The following ADK variants were observed in gnomAD, a reference collection of about 807,000 sequenced individuals.
ADK encodes N6,N6-dimethyladenosine kinase.
Under a neutral mutation model 44.7 loss-of-function variants are expected in ADK, and 24 were observed. That is an observed-to-expected ratio of 0.54 (90% CI 0.39 to 0.76). The LOEUF is 0.76. Among genes scored for constraint, ADK ranks in the 30% least tolerant of loss-of-function variants. ADK has a pLI of 0.00. For synonymous variants in ADK, 128 were observed against 142.6 expected, an observed-to-expected ratio of 0.90 and a Z score of 0.73; for missense variants, 321 against 425.1, an observed-to-expected ratio of 0.76 and a Z score of 2.15.
intron 1 of ADK, among the ~76,000 whole-genome samples, chr10:74,191,438 A>G (rs1325860036): frequency 1.3e-5 from 2 of 151,556 alleles, no homozygotes; most frequent in Non-Finnish European, 2.9e-5. Context: ...CACTATGTCA[A>G]TTAAAAAGAC....
chr10:74,606,059 GT>G (rs756544836), intron 9 of ADK, among the ~76,000 whole-genome samples: 2 of 152,120 alleles, frequency 1.3e-5, no homozygotes, highest in Non-Finnish European at 2.9e-5. Context: ...ACTGATGGTA[GT>G]TTATATTTCT....
chr10:74,513,908 G>C (rs141244207), intron 6 of ADK, among the ~76,000 whole-genome samples: 208 of 152,168 alleles, frequency 1.4e-3, no homozygotes, highest in Middle Eastern at 6.8e-3. Flanking sequence ...CTATCAGTGT[G>C]TTTTATAGTT....
At chr10:74,504,658 A>T (rs1473170209) in intron 6 of ADK, among the ~76,000 whole-genome samples, 2 of 152,092 alleles carry the variant, frequency 1.3e-5, no homozygotes, top group African/African-American at 2.4e-5. Context: ...AATCCCCATA[A>T]TCTCCACATG....
intron 7 of ADK, among the ~76,000 whole-genome samples, chr10:74,562,386 G>A (rs1341202655): frequency 3.3e-5 from 5 of 152,164 alleles, no homozygotes; most frequent in Non-Finnish European, 7.3e-5. Context: ...TACAGAACTA[G>A]GGTAACTGGA....
chr10:74,633,424 GC>G (rs1304485775), intron 9 of ADK, among the ~76,000 whole-genome samples: 1 of 151,968 alleles, frequency 6.6e-6, no homozygotes, highest in Non-Finnish European at 1.5e-5. Flanking sequence ...AGCACTATTT[GC>G]AATGACCAAA....
intron 10 of ADK, among the ~76,000 whole-genome samples, chr10:74,687,185 G>GA (rs1331481475): frequency 3.3e-5 from 5 of 152,218 alleles, no homozygotes; most frequent in Non-Finnish European, 7.3e-5. Context: ...AGTTTTCACT[G>GA]AAAGTATAGC....
intron 7 of ADK, among the ~76,000 whole-genome samples, 158 bp downstream of exon 7, chr10:74,525,584 C>T (rs1472651047): frequency 6.6e-6 from 1 of 152,078 alleles, no homozygotes; most frequent in Admixed American, 6.5e-5. Flanking sequence ...GTCAACTGCT[C>T]TCAGTATTTT....
chr10:74,232,545 CG>C (rs368780321), intron 3 of ADK, among the ~76,000 whole-genome samples: 95 of 94,786 alleles, frequency 1.0e-3, no homozygotes, highest in African/African-American at 1.8e-3. Flanking sequence ...ACAACCCCCC[CG>C]CACCCCCCCC....
At chr10:74,587,252 C>G (rs73276231) in intron 7 of ADK, among the ~76,000 whole-genome samples, 6,558 of 152,276 alleles carry the variant, frequency 0.043, 433 homozygotes, top group African/African-American at 0.14. Flanking sequence ...GCAAATGTTA[C>G]TGACTATGTG....
chr10:74,343,887 C>A (rs555653287), intron 4 of ADK, among the ~76,000 whole-genome samples: 8 of 152,120 alleles, frequency 5.3e-5, no homozygotes, highest in African/African-American at 1.9e-4. Flanking sequence ...AGATTACAGG[C>A]GTGAGCAACC....
At chr10:74,256,289 A>T (rs982502388) in intron 3 of ADK, among the ~76,000 whole-genome samples, 1 of 152,194 alleles carries the variant, frequency 6.6e-6, no homozygotes. Flanking sequence ...TAAGCAAGTG[A>T]TGTGGTCAAA....
chr10:74,296,074 T>A (rs1024482602), intron 3 of ADK, among the ~76,000 whole-genome samples: 99 of 152,084 alleles, frequency 6.5e-4, no homozygotes, highest in African/African-American at 2.3e-3. Flanking sequence ...TCCTTTTTTT[T>A]TTTTTTTTAC....
At chr10:74,440,081 C>T (rs1313047596) in intron 6 of ADK, among the ~76,000 whole-genome samples, 2 of 151,726 alleles carry the variant, frequency 1.3e-5, no homozygotes, top group East Asian at 3.9e-4. Flanking sequence ...TTTTCCTATC[C>T]CTATTTCCTG....
At chr10:74,483,248 A>G (rs1035024948) in intron 6 of ADK, among the ~76,000 whole-genome samples, 1 of 152,174 alleles carries the variant, frequency 6.6e-6, no homozygotes, top group African/African-American at 2.4e-5. Flanking sequence ...GCCAAGGCTT[A>G]CAGCTTGCAC....
chr10:74,245,502 A>G, intron 3 of ADK, among the ~76,000 whole-genome samples: 1 of 151,630 alleles, frequency 6.6e-6, no homozygotes. Flanking sequence ...GACCCTATAT[A>G]TTTTTTATAT....
At position 74,331,134 on chromosome 10, in the gene ADK, G is replaced by A. The variant is rs182966502; in HGVS notation, c.273+16389G>A. On this transcript the variant is annotated intron_variant, in intron 4 of 10. Coordinates refer to ENST00000539909, the MANE Select transcript of ADK (RefSeq NM_006721.4). ...ATTATGCAGCTAATATTTTACACCC[G>A]TATTGTAACCAGTATACTGGTATAA... Among the ~76,000 whole-genome samples, 1,033 of 151,980 alleles carry A rather than the reference G, an allele frequency of 6.8e-3. 6 individuals are homozygous for A. The highest frequency in any genetic ancestry group is 0.012 in the Non-Finnish European group (794 of 67,986).
At chr10:74,557,053 C>T (rs370239536) in intron 7 of ADK, among the ~76,000 whole-genome samples, 7 of 152,188 alleles carry the variant, frequency 4.6e-5, no homozygotes, top group African/African-American at 1.7e-4. Flanking sequence ...TCAATGTGAG[C>T]TTTTGGCTAT....
intron 9 of ADK, among the ~76,000 whole-genome samples, chr10:74,635,537 C>T (rs913966774): frequency 3.9e-4 from 59 of 152,076 alleles, no homozygotes; most frequent in African/African-American, 1.4e-3. Context: ...CCATAATGAA[C>T]CACTCCATAA....
chr10:74,296,698 G>A (rs35689397), intron 3 of ADK, among the ~76,000 whole-genome samples: 72,046 of 149,824 alleles, frequency 0.48, 19,869 homozygotes, highest in Non-Finnish European at 0.62. Flanking sequence ...TGCAAGCCCC[G>A]CCTCCCAGGT....
Sources: gnomAD v4.1 joint callset for allele counts (sites outside exome capture counted in the v4.1 genomes callset) on GRCh38, gnomAD v4.1.1 for gene constraint, MANE v1.5 for transcripts, NCBI Gene and HGNC (gene_info 2026-07-23, HGNC 2026-07-21) for gene names.